DACH2: variants seen among roughly 807,000 people sequenced by gnomAD.
DACH2 encodes dachshund homolog 2.
In DACH2, 17 loss-of-function variants were observed where a neutral mutation model predicts 35.8. The ratio of observed to expected loss-of-function variants is 0.48; its 90% CI spans 0.33 to 0.71. The LOEUF (loss-of-function observed/expected upper bound fraction) is 0.71, where lower values mean the gene tolerates loss of function less well. DACH2 is among the 30% of genes least tolerant of loss of function. The probability of loss-of-function intolerance (pLI) is 0.02; values close to 1 mark genes in which losing one functional copy is unlikely to be tolerated. For synonymous variants in DACH2, 195 were observed against 177.3 expected (o/e 1.10, Z -0.79); for missense variants, 469 against 472.7 (o/e 0.99, Z 0.07).
At chrX:86,341,478 T>A (rs973381772) in intron 1 of DACH2, among the ~76,000 whole-genome samples, 1 of 112,323 alleles carries the variant, frequency 8.9e-6, no homozygotes, top group Non-Finnish European at 1.9e-5. Context: ...TATATTACTG[T>A]TCATTGACAA....
intron 1 of DACH2, among the ~76,000 whole-genome samples, chrX:86,195,411 C>A (rs755225950): frequency 1.8e-5 from 2 of 111,743 alleles, no homozygotes; most frequent in African/African-American, 6.5e-5. Context: ...GCACACAGAC[C>A]TATGCCCACC....
At chrX:86,641,537 G>T (rs1319885533) in intron 3 of DACH2, among the ~76,000 whole-genome samples, 2 of 112,189 alleles carry the variant, frequency 1.8e-5, no homozygotes, top group African/African-American at 3.2e-5. Context: ...TATTTCAGAA[G>T]ATTGTTCATG....
At chrX:86,256,749 A>G (rs1410790714) in intron 1 of DACH2, among the ~76,000 whole-genome samples, 1 of 111,853 alleles carries the variant, frequency 8.9e-6, no homozygotes, top group African/African-American at 3.2e-5. Context: ...TAATGAATTG[A>G]TAAATAAGAT....
chrX:86,488,094 G>A (rs2038044457), intron 2 of DACH2, among the ~76,000 whole-genome samples: 1 of 111,688 alleles, frequency 9.0e-6, no homozygotes, highest in Admixed American at 9.6e-5. Context: ...ATATTTCAAT[G>A]TTTCCATTTA....
chrX:86,338,997 C>T (rs1387075775), intron 1 of DACH2, among the ~76,000 whole-genome samples: 1 of 111,517 alleles, frequency 9.0e-6, no homozygotes, highest in Admixed American at 9.6e-5. Flanking sequence ...ACATATACAT[C>T]CTCCCAAGTC....
intron 4 of DACH2, among the ~76,000 whole-genome samples, chrX:86,680,041 T>C (rs2040863449): frequency 8.9e-6 from 1 of 111,817 alleles, no homozygotes. Flanking sequence ...GTTAGCATAC[T>C]ATACATAGTA....
chrX:86,303,664 C>A (rs959032841), intron 1 of DACH2, among the ~76,000 whole-genome samples: 4 of 110,001 alleles, frequency 3.6e-5, no homozygotes, highest in African/African-American at 1.3e-4. Flanking sequence ...TTCATTCATT[C>A]ATTTAACAAA....
intron 2 of DACH2, among the ~76,000 whole-genome samples, chrX:86,436,992 C>T (rs2037077990): frequency 9.1e-6 from 1 of 110,153 alleles, no homozygotes; most frequent in Non-Finnish European, 1.9e-5. Flanking sequence ...TAATGCTGTC[C>T]CCTCTTTTAT....
chrX:86,291,713 A>G (rs1358293218), intron 1 of DACH2, among the ~76,000 whole-genome samples: 1 of 97,759 alleles, frequency 1.0e-5, no homozygotes, highest in African/African-American at 3.9e-5. Context: ...TTCTGTTTAT[A>G]TGCTGGATTA....
intron 1 of DACH2, among the ~76,000 whole-genome samples, chrX:86,161,512 T>A (rs2030754546): frequency 8.9e-6 from 1 of 112,537 alleles, no homozygotes; most frequent in Non-Finnish European, 1.9e-5. Context: ...AGAGGAATTA[T>A]AGCTTTGGAT....
intron 1 of DACH2, among the ~76,000 whole-genome samples, chrX:86,363,859 A>T (rs1401366197): frequency 1.8e-5 from 2 of 111,686 alleles, no homozygotes; most frequent in African/African-American, 6.5e-5. Flanking sequence ...CTATTTGATT[A>T]ACAGCCATTT....
Position 86,359,504 on chromosome X carries a change from T to G in DACH2, c.489-17320T>G, listed in dbSNP as rs144431008. Among the ~76,000 whole-genome samples, 298 of 111,525 alleles carry G rather than the reference T, an allele frequency of 2.7e-3. 1 individual carries two copies. Among genetic ancestry groups the G allele is most frequent in the African/African-American group, 9.5e-3 (292 of 30,734 alleles). On this transcript the variant is annotated intron_variant, in intron 1 of 11. Coordinates refer to ENST00000373125, the MANE Select transcript of DACH2 (RefSeq NM_053281.3). ...GGCTCAAACCTGTAATCCCAGCACT[T>G]TGGGAGGCCAAGGCCAAAGGATTGG... is the stretch of plus-strand genomic sequence containing the variant.
intron 4 of DACH2, among the ~76,000 whole-genome samples, chrX:86,669,639 T>A (rs974179920): frequency 9.0e-6 from 1 of 111,651 alleles, no homozygotes; most frequent in African/African-American, 3.3e-5. Flanking sequence ...AATACATGAA[T>A]TTTAACTCCA....
intron 1 of DACH2, among the ~76,000 whole-genome samples, chrX:86,316,455 C>A (rs960079562): frequency 2.7e-5 from 3 of 111,498 alleles, no homozygotes; most frequent in Non-Finnish European, 5.6e-5. Flanking sequence ...GAAGTGATTT[C>A]TTTGAACTGC....
intron 5 of DACH2, among the ~76,000 whole-genome samples, chrX:86,700,714 A>T (rs570826967): frequency 9.9e-5 from 11 of 111,065 alleles, no homozygotes; most frequent in African/African-American, 2.9e-4. Context: ...GAGACTTACT[A>T]TAAATACCTC....
At chrX:86,225,915 G>C (rs1483377624) in intron 1 of DACH2, among the ~76,000 whole-genome samples, 1 of 111,096 alleles carries the variant, frequency 9.0e-6, no homozygotes, top group Non-Finnish European at 1.9e-5. Flanking sequence ...TCAGAGCTTT[G>C]GTGCAAAATT....
intron 10 of DACH2, among the ~76,000 whole-genome samples, chrX:86,815,566 T>A (rs1387435625): frequency 9.3e-6 from 1 of 107,636 alleles, no homozygotes; most frequent in African/African-American, 3.4e-5. Flanking sequence ...TGGTATTCAG[T>A]TGCACTTACT....
intron 4 of DACH2, among the ~76,000 whole-genome samples, chrX:86,668,166 A>G (rs774463463): frequency 8.9e-6 from 1 of 111,959 alleles, no homozygotes; most frequent in Non-Finnish European, 1.9e-5. Context: ...AAAGTAATCT[A>G]TTTTCTTATG....
intron 7 of DACH2, among the ~76,000 whole-genome samples, chrX:86,741,553 A>T (rs1441476583): frequency 8.9e-6 from 1 of 111,894 alleles, no homozygotes; most frequent in African/African-American, 3.2e-5. Flanking sequence ...TAATTCCTGG[A>T]AGACATGACA....
Sources: allele counts gnomAD v4.1 joint callset (sites outside exome capture counted in the v4.1 genomes callset), GRCh38; gene constraint gnomAD v4.1.1; transcripts MANE v1.5; gene names NCBI Gene and HGNC (gene_info 2026-07-23, HGNC 2026-07-21).